The following KIF1A variants were observed in gnomAD, a reference collection of about 807,000 sequenced individuals.
KIF1A encodes the protein kinesin family member 1A.
KIF1A carries 46 observed loss-of-function variants against 227.3 expected under a neutral mutation model. The observed-to-expected ratio is 0.20, with a 90% CI of 0.16 to 0.26. The LOEUF is 0.26. KIF1A is among the 10% of genes least tolerant of loss of function. The pLI is 1.00. For synonymous variants in KIF1A, 1,022 were observed against 1,012.8 expected (o/e 1.01, Z -0.17); for missense variants, 1,683 against 2,485.9 (o/e 0.68, Z 6.87).
intron 1 of KIF1A, among the ~76,000 whole-genome samples, chr2:240,819,373 G>T (rs544779689): frequency 3.3e-5 from 5 of 152,234 alleles, no homozygotes; most frequent in Middle Eastern, 3.4e-3. Context: ...TGGCTGCTGA[G>T]ACGCAGGCAG....
intron 47 of KIF1A, 40 bp from the exon 48 acceptor site, chr2:240,718,208 G>T: frequency 7.2e-7 from 1 of 1,394,240 alleles, no homozygotes; most frequent in Non-Finnish European, 1.0e-6. Context: ...GCCAGGCTCC[G>T]TGGTCAGCAC....
intron 1 of KIF1A, among the ~76,000 whole-genome samples, chr2:240,817,220 G>A (rs2058393275): frequency 6.6e-6 from 1 of 152,210 alleles, no homozygotes; most frequent in Non-Finnish European, 1.5e-5. Flanking sequence ...GTGTCCCTGG[G>A]TACCCTGGCC....
At position 240,742,968 on chromosome 2, in the gene KIF1A, G is replaced by A. The variant is rs752464745; in HGVS notation, c.3601C>T (p.Arg1201Cys). 3.0e-5 allele frequency: 48 copies of A among 1,610,964 alleles called. No individual in the cohort carries two copies. Among genetic ancestry groups the A allele is most frequent in the Middle Eastern group, 1.6e-4 (1 of 6,072 alleles). The change falls in exon 34 of 49, where the codon CGC (arginine) becomes TGC (cysteine). Residue 1201 changes from arginine (R) to cysteine (C), a missense_variant. Transcript: ENST00000498729. Reference sequence around the variant, plus strand: ...GGCATGACCCGAGGGAAGTGGCGGCGCGAGGGCCTCAGGGGGCTGTGGAGA... The same window carrying A: ...GGCATGACCCGAGGGAAGTGGCGGCACGAGGGCCTCAGGGGGCTGTGGAGA... ...KDVLSPLRPS[R>C]RHFPRVMPLS...
intron 1 of KIF1A, among the ~76,000 whole-genome samples, chr2:240,811,645 C>A (rs1012173035): frequency 2.6e-5 from 4 of 152,068 alleles, no homozygotes; most frequent in African/African-American, 9.7e-5. Context: ...ACAGGTGGGG[C>A]AGGAAGTCAT....
At chr2:240,815,345 G>A (rs1283191428) in intron 1 of KIF1A, among the ~76,000 whole-genome samples, 1 of 152,164 alleles carries the variant, frequency 6.6e-6, no homozygotes, top group Admixed American at 6.5e-5. Flanking sequence ...GGTGGGGGCA[G>A]GAACCCCTTG....
intron 25 of KIF1A, among the ~76,000 whole-genome samples, chr2:240,759,945 A>G (rs115322498): frequency 0.013 from 2,007 of 151,888 alleles, 46 homozygotes; most frequent in African/African-American, 0.046. Context: ...TGAGCCCAGG[A>G]GTTTGAGCTG....
chr2:240,780,260 G>A (rs1447020164), intron 10 of KIF1A, among the ~76,000 whole-genome samples: 1 of 151,728 alleles, frequency 6.6e-6, no homozygotes, highest in Non-Finnish European at 1.5e-5. Flanking sequence ...TGGCTCCTCG[G>A]CGTCCCTCAC....
rs56130735 is a variant in KIF1A, at chr2:240,782,785, G to A, written c.865-178C>T. ...GGTCCCTCCAGGGCCGCCCTTCCCG[G>A]GCCCAGGCCTGGGCTGCCTGCTGCA... On this transcript the variant is annotated intron_variant, in intron 9 of 48. Coordinates refer to ENST00000498729, the MANE Select transcript of KIF1A (RefSeq NM_001244008.2). 0.21 allele frequency among the ~76,000 whole-genome samples: 31,856 copies of A among 152,064 alleles called. 3,554 individuals are homozygous for A. Among genetic ancestry groups the A allele is most frequent in the East Asian group, 0.34 (1,758 of 5,146 alleles).
At chr2:240,761,506 A>G (rs952440889) in intron 23 of KIF1A, 129 bp from the exon 24 acceptor site, 2 of 774,944 alleles carry the variant, frequency 2.6e-6, no homozygotes, top group African/African-American at 3.6e-5. Flanking sequence ...TGCTCTGTGT[A>G]CATCACGGCC....
chr2:240,785,160 C>T (rs986935439), intron 6 of KIF1A, 60 bp from the exon 7 acceptor site: 26 of 1,379,042 alleles, frequency 1.9e-5, no homozygotes, highest in African/African-American at 2.9e-5. Context: ...GCGAGATCGC[C>T]GGTGGTGCCA....
rs2049335940 is a variant in KIF1A, at chr2:240,752,496, A to G, written c.2859-1949T>C. Among the ~76,000 whole-genome samples the G allele has an allele frequency of 1.3e-5, 2 of 151,958 alleles. No homozygotes were observed. Among genetic ancestry groups the G allele is most frequent in the African/African-American group, 4.8e-5 (2 of 41,360 alleles). On this transcript the variant is annotated intron_variant, in intron 27 of 48. Transcript: ENST00000498729. This position sits in a 1 kb window ranked among gnomAD's most constrained non-coding sequence, Gnocchi z 6.4. ...TCCTGGACAAGGGTCTCTGCTTGAC[A>G]GTGGGGGTGGGAAAAGGGGCTGCTA...
intron 23 of KIF1A, among the ~76,000 whole-genome samples, chr2:240,762,102 T>G (rs1454789502): frequency 1.3e-5 from 2 of 152,092 alleles, no homozygotes; most frequent in Non-Finnish European, 2.9e-5. Context: ...GGGAGGGAGC[T>G]TCGCTGGGTA....
chr2:240,787,065 C>T (rs1187541072), intron 5 of KIF1A, among the ~76,000 whole-genome samples, 186 bp downstream of exon 5: 1 of 152,184 alleles, frequency 6.6e-6, no homozygotes, highest in African/African-American at 2.4e-5. Flanking sequence ...ATCACCTCAT[C>T]ACTCTGTGCT....
chr2:240,758,280 G>T lies in KIF1A; in HGVS notation c.2582+80C>A. ...CTTGTCAGGGCCGCTCCTTGTATCAGGCCAGGGCCCACTCCTACCCCCACT... is the reference window on the plus strand; with the variant it reads ...CTTGTCAGGGCCGCTCCTTGTATCATGCCAGGGCCCACTCCTACCCCCACT... On this transcript the variant is annotated intron_variant, in intron 26 of 48. Transcript: ENST00000498729. This position sits in a 1 kb window ranked among gnomAD's most constrained non-coding sequence, Gnocchi z 5.2. The T allele has an allele frequency of 2.7e-6, 4 of 1,495,682 alleles. No individual in the cohort carries two copies. The highest frequency in any genetic ancestry group is 3.6e-6 in the Non-Finnish European group (4 of 1,107,514). The allele number at this position is 1,495,682 out of a possible 1,614,324, so 92.7% of individuals were successfully genotyped here. A position where few individuals can be genotyped will look rare whatever the true frequency, so the allele number is the denominator to read the frequency against.
At chr2:240,762,955 G>T in intron 22 of KIF1A, 64 bp downstream of exon 22, 1 of 1,378,708 alleles carries the variant, frequency 7.3e-7, no homozygotes, top group Non-Finnish European at 9.7e-7. Context: ...TGGGGGCGTG[G>T]GAGGACAGGG....
rs1030196679 is a variant in KIF1A, at chr2:240,725,127, G to T, written c.4256+144C>A. The stretch of plus-strand genomic sequence containing the variant: ...TAGGGTGAGCAGGAGGGGACTGAGC[G>T]CAGGGAGCCAGCCAGGAGTGTGGCT... On this transcript the variant is annotated intron_variant, in intron 40 of 48. Coordinates refer to ENST00000498729, the MANE Select transcript of KIF1A (RefSeq NM_001244008.2). The surrounding 1 kb of genome is among the most constrained non-coding windows in gnomAD (Gnocchi z 5.8). The T allele has an allele frequency of 2.5e-6, 2 of 802,930 alleles. No individual in the cohort carries two copies. Among genetic ancestry groups the T allele is most frequent in the East Asian group, 5.4e-5 (2 of 36,954 alleles). The allele number at this position is 802,930 out of a possible 1,614,324, so 49.7% of individuals were successfully genotyped here.
Position 240,740,263 on chromosome 2 carries a change from G to T in KIF1A, c.3816+35C>A. 6.3e-7 allele frequency: 1 copy of T among 1,593,216 alleles called. No homozygotes were observed. Among genetic ancestry groups the T allele is most frequent in the Non-Finnish European group, 8.6e-7 (1 of 1,163,000 alleles). ...TCACACCTGGTGGGGTGGGGGAGGG[G>T]ACACAGGCAGGGTAGGGGCAAGAGG... On this transcript the variant is annotated intron_variant, in intron 36 of 48. Transcript: ENST00000498729. This position sits in a 1 kb window ranked among gnomAD's most constrained non-coding sequence, Gnocchi z 6.1.
chr2:240,728,071 C>T (rs3821343), intron 38 of KIF1A, among the ~76,000 whole-genome samples: 30,409 of 152,168 alleles, frequency 0.2, 3,845 homozygotes, highest in South Asian at 0.42. Context: ...CACAGCTGGG[C>T]GGCCACGCAG....
chr2:240,819,914 C>A (rs2058609410), intron 1 of KIF1A, among the ~76,000 whole-genome samples: 1 of 152,176 alleles, frequency 6.6e-6, no homozygotes, highest in African/African-American at 2.4e-5. Flanking sequence ...CCCTGAATTT[C>A]CCCCATTGTT....
Sources: gnomAD v4.1 joint callset for allele counts (sites outside exome capture counted in the v4.1 genomes callset) on GRCh38, gnomAD v4.1.1 for gene constraint, Gnocchi (gnomAD v3.1) non-coding constraint, MANE v1.5 for transcripts, NCBI Gene and HGNC (gene_info 2026-07-23, HGNC 2026-07-21) for gene names.